The following ELF1 variants were observed in gnomAD, a reference collection of about 807,000 sequenced individuals.
ELF1 encodes ETS-related transcription factor Elf-1.
In ELF1, 24 loss-of-function variants were observed where a neutral mutation model predicts 59.9. That is an observed-to-expected ratio of 0.40 (90% confidence interval 0.29 to 0.56). The LOEUF (loss-of-function observed/expected upper bound fraction) is 0.56, where lower values mean the gene tolerates loss of function less well. Ranked by LOEUF, ELF1 falls within the 20% of genes least tolerant of loss-of-function variation. The pLI is 0.44. For synonymous variants in ELF1, 248 were observed against 266.2 expected (o/e 0.93, Z 0.67); for missense variants, 627 against 742.2 (o/e 0.84, Z 1.80).
At position 40,932,783 on chromosome 13, in the gene ELF1, A is replaced by C. The variant is rs141370832; in HGVS notation, c.*642T>G. 6.6e-6 allele frequency: 1 copy of C among 152,414 alleles called. No homozygotes were observed. The highest frequency in any genetic ancestry group is 1.9e-4 in the East Asian group (1 of 5,194). The allele number at this position is 152,414 out of a possible 1,614,324, so 9.4% of individuals were successfully genotyped here. A position where few individuals can be genotyped will look rare whatever the true frequency, so the allele number is the denominator to read the frequency against. ...TCTCTTCCTTTTATGAGAGGAACTA[A>C]AGCCCAAAGAGGTCAAGATTACATA... is the stretch of plus-strand genomic sequence containing the variant. On this transcript the variant is annotated 3_prime_UTR_variant, in exon 9 of 9. Coordinates refer to ENST00000239882, the MANE Select transcript of ELF1 (RefSeq NM_172373.4).
chr13:41,039,044 A>G (rs1382124194), intron 1 of ELF1, among the ~76,000 whole-genome samples: 1 of 151,462 alleles, frequency 6.6e-6, no homozygotes, highest in Admixed American at 6.6e-5. Flanking sequence ...TATGTATGAC[A>G]AAAGGGCAGG....
chr13:40,985,531 TTA>T (rs1165150714), intron 1 of ELF1, among the ~76,000 whole-genome samples: 1 of 152,190 alleles, frequency 6.6e-6, no homozygotes, highest in East Asian at 1.9e-4. Context: ...CTATAACAGT[TTA>T]TAACACAGAT....
intron 3 of ELF1, among the ~76,000 whole-genome samples, chr13:40,955,417 A>T (rs1871224235): frequency 8.0e-6 from 1 of 125,140 alleles, no homozygotes; most frequent in Non-Finnish European, 1.7e-5. Context: ...TCCGGGAAGG[A>T]GGTGGGGGGG....
At chr13:41,060,917 C>CGCCGCTGCCGCCGCT (rs1198800643) in exon 1 of ELF1, 1 of 30,332 alleles carries the variant, frequency 3.3e-5, no homozygotes, top group African/African-American at 1.7e-4. Context: ...CTGCTGCTGC[C>CGCCGCTGCCGCCGCT]GCCGCCGCCG....
chr13:40,954,681 C>G (rs1380687640), intron 3 of ELF1, among the ~76,000 whole-genome samples: 1 of 152,112 alleles, frequency 6.6e-6, no homozygotes, highest in Non-Finnish European at 1.5e-5. Context: ...AGCTCCTAAC[C>G]GCGAGTGATC....
chr13:40,939,112 T>C (rs4942012), intron 8 of ELF1, among the ~76,000 whole-genome samples: 82,465 of 151,992 alleles, frequency 0.54, 25,102 homozygotes, highest in Non-Finnish European at 0.67. Flanking sequence ...GTGGTAGGAT[T>C]GCTTGGTTGG....
intron 1 of ELF1, among the ~76,000 whole-genome samples, chr13:40,984,359 A>T (rs1027566542): frequency 6.6e-6 from 1 of 152,184 alleles, no homozygotes; most frequent in Admixed American, 6.5e-5. Context: ...GAGACTACAC[A>T]TTCAAGACCA....
chr13:41,059,585 C>G (rs1877419714), intron 1 of ELF1, among the ~76,000 whole-genome samples: 1 of 152,152 alleles, frequency 6.6e-6, no homozygotes, highest in Non-Finnish European at 1.5e-5. Flanking sequence ...GACCAGAAAC[C>G]CATCTACAAG....
intron 1 of ELF1, among the ~76,000 whole-genome samples, chr13:41,002,999 G>A (rs1874550919): frequency 6.6e-6 from 1 of 151,998 alleles, no homozygotes; most frequent in Non-Finnish European, 1.5e-5. Flanking sequence ...CAAGATCAAA[G>A]GACCTTTTAT....
At chr13:41,043,817 A>G (rs1876726920) in intron 1 of ELF1, among the ~76,000 whole-genome samples, 1 of 152,190 alleles carries the variant, frequency 6.6e-6, no homozygotes, top group African/African-American at 2.4e-5. Context: ...ACTTTAAAGT[A>G]GTTTTTTCCA....
rs141276533 is a variant in ELF1 at position 41,013,918 on chromosome 13, A to C, written c.-229+5310T>G. Reference sequence around the variant, plus strand: ...TTTACTATTTATGGGATTGTTTTCTAAACCCAGAAACTAATTTTCTTTAAT... The same window carrying C: ...TTTACTATTTATGGGATTGTTTTCTCAACCCAGAAACTAATTTTCTTTAAT... On this transcript the variant is annotated intron_variant, in intron 1 of 8. Coordinates refer to ENST00000239882, the MANE Select transcript of ELF1 (RefSeq NM_172373.4). Among the ~76,000 whole-genome samples the C allele has an allele frequency of 8.9e-4, 135 of 152,074 alleles. No individual in the cohort carries two copies. The East Asian group carries it at 0.021, about 24-fold the overall frequency.
intron 1 of ELF1, among the ~76,000 whole-genome samples, chr13:41,014,395 T>C (rs1195179569): frequency 6.6e-6 from 1 of 152,108 alleles, no homozygotes; most frequent in Non-Finnish European, 1.5e-5. Flanking sequence ...AATTTGTATA[T>C]CCAAAGCTCA....
intron 1 of ELF1, among the ~76,000 whole-genome samples, chr13:40,986,670 AAC>A (rs958107777): frequency 3.7e-4 from 57 of 152,090 alleles, no homozygotes; most frequent in African/African-American, 1.3e-3. Context: ...AAGCTTCCCT[AAC>A]ACAGAGTCCC....
At chr13:41,041,363 A>G (rs193208127) in intron 1 of ELF1, among the ~76,000 whole-genome samples, 1 of 152,120 alleles carries the variant, frequency 6.6e-6, no homozygotes, top group Admixed American at 6.5e-5. Context: ...CATCTCATTT[A>G]ATCCTCAAGA....
chr13:40,982,567 T>TAA (rs1873340738), intron 1 of ELF1, among the ~76,000 whole-genome samples: 1 of 138,746 alleles, frequency 7.2e-6, no homozygotes, highest in Non-Finnish European at 1.6e-5. Flanking sequence ...AAAAAAAAGG[T>TAA]CAAAAAACCC....
At chr13:40,964,906 T>C (rs770792627) in intron 2 of ELF1, among the ~76,000 whole-genome samples, 2 of 152,130 alleles carry the variant, frequency 1.3e-5, no homozygotes, top group African/African-American at 2.4e-5. Context: ...GTAACTTCTT[T>C]ACTAATTACA....
chr13:41,025,847 C>G (rs1292681626), intron 1 of ELF1, among the ~76,000 whole-genome samples: 1 of 152,162 alleles, frequency 6.6e-6, no homozygotes, highest in Admixed American at 6.5e-5. Flanking sequence ...GATGTGAGCT[C>G]ATTCTTTACC....
At chr13:41,028,894 C>T (rs1876053671) in intron 1 of ELF1, among the ~76,000 whole-genome samples, 3 of 151,744 alleles carry the variant, frequency 2.0e-5, no homozygotes, top group African/African-American at 4.8e-5. Flanking sequence ...CCACCATGCC[C>T]GGCTAATTTT....
chr13:40,975,490 C>T (rs977487624), intron 2 of ELF1, among the ~76,000 whole-genome samples: 2 of 152,120 alleles, frequency 1.3e-5, no homozygotes, highest in African/African-American at 4.8e-5. Flanking sequence ...TCATTTAACA[C>T]ATTTTATTTA....
Sources: allele counts gnomAD v4.1 joint callset (sites outside exome capture counted in the v4.1 genomes callset), GRCh38; gene constraint gnomAD v4.1.1; transcripts MANE v1.5; gene names NCBI Gene and HGNC (gene_info 2026-07-23, HGNC 2026-07-21).